The following ARFGEF1 variants were observed in gnomAD, a reference collection of about 807,000 sequenced individuals.
The protein encoded by ARFGEF1 is ARF guanine nucleotide exchange factor 1, also known as brefeldin A-inhibited guanine nucleotide-exchange protein 1.
A neutral mutation model predicts 231.0 loss-of-function variants in ARFGEF1; 42 were observed. That is an observed-to-expected ratio of 0.18 (90% CI 0.14 to 0.24). ARFGEF1 has a LOEUF of 0.24. Ranked by LOEUF, ARFGEF1 falls within the 10% of genes least tolerant of loss-of-function variation. The probability of loss-of-function intolerance (pLI) is 1.00; values close to 1 mark genes in which losing one functional copy is unlikely to be tolerated. For synonymous variants in ARFGEF1, 710 were observed against 732.3 expected (o/e 0.97, Z 0.49); for missense variants, 1,345 against 2,192.0 (o/e 0.61, Z 7.72).
At position 67,271,822 on chromosome 8, in the gene ARFGEF1, A is replaced by G; in HGVS notation, c.1452T>C (p.Tyr484=). The change falls in exon 10 of 39, where the codon TAT becomes TAC. Residue 484 remains tyrosine (Y), a synonymous_variant. Coordinates refer to ENST00000262215, the MANE Select transcript of ARFGEF1 (RefSeq NM_006421.5). The stretch of plus-strand genomic sequence containing the variant: ...CATTTTTTGAGAGTGCAACACAAAG[A>G]TACTGCTTAATAGCATTAATAAACA... ...NEMFINAIKQ[Y]LCVALSKNGV... The G allele has an allele frequency of 1.9e-6, 3 of 1,613,794 alleles. No individual in the cohort carries two copies. The highest frequency in any genetic ancestry group is 2.5e-6 in the Non-Finnish European group (3 of 1,179,768).
intron 5 of ARFGEF1, among the ~76,000 whole-genome samples, chr8:67,189,695 TGA>T (rs1199247906): frequency 6.6e-6 from 1 of 152,134 alleles, no homozygotes; most frequent in African/African-American, 2.4e-5. Context: ...ACTGAAATAT[TGA>T]GAGACAAAAT....
At chr8:67,224,861 CAAAAT>C in intron 29 of ARFGEF1, 37 bp downstream of exon 29, 2 of 1,404,530 alleles carry the variant, frequency 1.4e-6, no homozygotes, top group Non-Finnish European at 1.9e-6. Flanking sequence ...TGATTAAAGT[CAAAAT>C]AAATCCAAAA....
chr8:67,233,406 G>T (rs1413233991), intron 22 of ARFGEF1, among the ~76,000 whole-genome samples: 3 of 151,924 alleles, frequency 2.0e-5, no homozygotes, highest in Admixed American at 2.0e-4. Context: ...TTATTGAAAA[G>T]AATCATTCAT....
chr8:67,331,018 C>T (rs186240035), intron 1 of ARFGEF1, among the ~76,000 whole-genome samples: 1 of 151,780 alleles, frequency 6.6e-6, no homozygotes, highest in Non-Finnish European at 1.5e-5. Context: ...CATTAGAAAA[C>T]TTAAAAGAAA....
downstream of ARFGEF1, chr8:67,195,676 C>A (rs1837795564): frequency 1.6e-6 from 2 of 1,213,472 alleles, no homozygotes; most frequent in Non-Finnish European, 2.3e-6. Context: ...CTACTTTTGG[C>A]CCCTACCTGA....
chr8:67,257,667 T>C (rs1036874723), intron 17 of ARFGEF1, 65 bp downstream of exon 17: 6 of 1,254,642 alleles, frequency 4.8e-6, no homozygotes, highest in African/African-American at 4.6e-5. Flanking sequence ...TATTACTTAC[T>C]GAATTCAGAA....
downstream of ARFGEF1, among the ~76,000 whole-genome samples, chr8:67,192,804 G>A (rs1227926866): frequency 2.6e-5 from 4 of 152,126 alleles, no homozygotes; most frequent in Admixed American, 6.5e-5. Context: ...GTCCATAAAC[G>A]TAAGGATTTA....
Position 67,177,725 on chromosome 8 carries a change from T to C in ARFGEF1, c.561-2153A>G, listed in dbSNP as rs1404861433. ...AGTGCTAAAGTACGAGAGCAAAGAA[T>C]GGTAAGCAACCAGTTACAATTTTTC... On this transcript the variant is annotated intron_variant, in intron 5 of 5. Transcript: ENST00000518789. 1 of 1,609,256 alleles carries C rather than the reference T, an allele frequency of 6.2e-7. No homozygotes were observed. Among genetic ancestry groups the C allele is most frequent in the African/African-American group, 1.3e-5 (1 of 74,918 alleles).
intron 5 of ARFGEF1, among the ~76,000 whole-genome samples, chr8:67,180,389 A>G (rs1168007250): frequency 1.3e-5 from 2 of 152,244 alleles, no homozygotes; most frequent in Non-Finnish European, 2.9e-5. Context: ...TGAAATTACA[A>G]AATTAAGAAA....
intron 22 of ARFGEF1, among the ~76,000 whole-genome samples, chr8:67,235,454 T>A (rs2128876312): frequency 6.6e-6 from 1 of 152,286 alleles, no homozygotes; most frequent in African/African-American, 2.4e-5. Context: ...TAAGATTTTT[T>A]AAACTATGTG....
intron 38 of ARFGEF1, 145 bp from the exon 39 acceptor site, chr8:67,199,243 G>T: frequency 2.3e-6 from 2 of 869,452 alleles, no homozygotes; most frequent in Non-Finnish European, 3.4e-6. Flanking sequence ...TTGTGGAACT[G>T]AGAGACAGAA....
chr8:67,340,351 AC>A (rs1015447250), intron 1 of ARFGEF1, among the ~76,000 whole-genome samples: 1 of 151,224 alleles, frequency 6.6e-6, no homozygotes, highest in East Asian at 1.9e-4. Context: ...TCCAACACCT[AC>A]CCACTCACAA....
rs887749573 is a variant in ARFGEF1 at position 67,257,320 on chromosome 8, T to G, written c.2526+412A>C. On this transcript the variant is annotated intron_variant, in intron 17 of 38. Transcript: ENST00000262215. ...GGTCTTAACTCCTGGACTCATGTGA[T>G]CCGCCTGTCTCGGCCACTCAAAAGT... 5.9e-5 allele frequency among the ~76,000 whole-genome samples: 9 copies of G among 152,272 alleles called. No homozygotes were observed. The South Asian group carries it at 1.7e-3, about 28-fold the overall frequency.
Position 67,259,864 on chromosome 8 carries a change from G to A in ARFGEF1, c.2186C>T (p.Thr729Ile). ...YLQEQGMLGT[T>I]PEDIAQFLHQ... ...TAAGAATTGGGCAATATCTTCAGGT[G>A]TGGTGCCAAGCATCCCTTGTTCTTG... The change falls in exon 15 of 39, where the codon ACA (threonine) becomes ATA (isoleucine). Residue 729 changes from threonine (T) to isoleucine (I), a missense_variant. Thr to Ile is a moderately conservative substitution (Grantham distance 89). This residue lies in a region of ARFGEF1 where 105 missense variants were observed against 159.3 expected (regional missense o/e 0.66). Coordinates refer to ENST00000262215, the MANE Select transcript of ARFGEF1 (RefSeq NM_006421.5). 6.2e-7 allele frequency: 1 copy of A among 1,613,360 alleles called. No homozygotes were observed. The highest frequency in any genetic ancestry group is 2.2e-5 in the East Asian group (1 of 44,852).
chr8:67,242,693 A>C (rs961400002), intron 19 of ARFGEF1, among the ~76,000 whole-genome samples: 10 of 152,168 alleles, frequency 6.6e-5, no homozygotes, highest in Non-Finnish European at 1.3e-4. Context: ...TGGCCACAGA[A>C]GGGTAGAGCA....
At chr8:67,320,223 CAAAAAAAAAAA>C (rs544834392) in intron 1 of ARFGEF1, among the ~76,000 whole-genome samples, 4 of 45,240 alleles carry the variant, frequency 8.8e-5, no homozygotes, top group South Asian at 8.8e-4. Context: ...AACGCTATCT[CAAAAAAAAAAA>C]AAAAAAAAAA....
At chr8:67,216,890 G>A (rs890617312) in intron 32 of ARFGEF1, among the ~76,000 whole-genome samples, 2 of 151,728 alleles carry the variant, frequency 1.3e-5, no homozygotes, top group African/African-American at 2.4e-5. Context: ...AGGGTAATAT[G>A]GTCACCAGTT....
chr8:67,277,191 T>G, intron 8 of ARFGEF1, 91 bp downstream of exon 8: 1 of 1,273,032 alleles, frequency 7.9e-7, no homozygotes, highest in Non-Finnish European at 1.1e-6. Flanking sequence ...GGCAGCATCA[T>G]CAGCTGAAAA....
chr8:67,316,910 A>T (rs1429959431), intron 1 of ARFGEF1, among the ~76,000 whole-genome samples: 4 of 152,160 alleles, frequency 2.6e-5, no homozygotes, highest in Non-Finnish European at 5.9e-5. Context: ...TGAAAGACCA[A>T]CTATGTGAGT....
Sources: allele counts gnomAD v4.1 joint callset (sites outside exome capture counted in the v4.1 genomes callset), GRCh38; gene constraint gnomAD v4.1.1; regional missense constraint gnomAD v4.1.1; transcripts MANE v1.5; gene names NCBI Gene and HGNC (gene_info 2026-07-23, HGNC 2026-07-21).